SPATA17: variants seen among roughly 807,000 people sequenced by gnomAD.
SPATA17 encodes spermatogenesis-associated protein 17.
In SPATA17, 53 loss-of-function variants were observed where a neutral mutation model predicts 62.2. That is an observed-to-expected ratio of 0.85 (90% CI 0.68 to 1.07). The LOEUF is 1.07. SPATA17 is among the 50% of genes least tolerant of loss of function. The pLI is 0.00. For synonymous variants in SPATA17, 146 were observed against 146.8 expected (o/e 0.99, Z 0.04); for missense variants, 466 against 425.5 (o/e 1.10, Z -0.84).
chr1:217,697,701 CATTT>C (rs1011239072), intron 5 of SPATA17, among the ~76,000 whole-genome samples: 1 of 151,620 alleles, frequency 6.6e-6, no homozygotes, highest in African/African-American at 2.4e-5. Flanking sequence ...AAACAGAAAA[CATTT>C]ATTTCTCAAG....
At chr1:217,784,892 G>T (rs1450226943) in intron 8 of SPATA17, 1 of 152,110 alleles carries the variant, frequency 6.6e-6, no homozygotes, top group African/African-American at 2.4e-5. Context: ...ATTTTTCTAA[G>T]TGTATTTGTT....
intron 9 of SPATA17, among the ~76,000 whole-genome samples, chr1:217,829,799 T>G (rs1675090843): frequency 6.6e-6 from 1 of 151,812 alleles, no homozygotes; most frequent in East Asian, 1.9e-4. Context: ...TATTTATATA[T>G]AGGTCAAAAG....
chr1:217,680,939 A>T (rs1451848943), intron 4 of SPATA17, among the ~76,000 whole-genome samples: 1 of 144,328 alleles, frequency 6.9e-6, no homozygotes, highest in Non-Finnish European at 1.5e-5. Flanking sequence ...AAAAAAAAAA[A>T]AAAAAAAGGC....
intron 5 of SPATA17, among the ~76,000 whole-genome samples, chr1:217,702,655 A>T (rs893171188): frequency 1.3e-5 from 2 of 152,064 alleles, no homozygotes; most frequent in African/African-American, 2.4e-5. Flanking sequence ...TGCTAGTTTT[A>T]TTGCTCACTG....
chr1:217,812,722 A>G (rs1023497290), intron 9 of SPATA17, among the ~76,000 whole-genome samples: 1 of 152,162 alleles, frequency 6.6e-6, no homozygotes, highest in African/African-American at 2.4e-5. Context: ...AAAGAGTTGG[A>G]CAATAAAAAA....
Position 217,648,758 on chromosome 1 carries a change from T to C in SPATA17, c.69-124T>C. On this transcript the variant is annotated intron_variant, in intron 1 of 10. Transcript: ENST00000366933. The stretch of plus-strand genomic sequence containing the variant: ...TTATTTATTTATACTTTAATGTTAT[T>C]TAAAATGACATTTGAATTTATAATT... 3 of 520,802 alleles carry C rather than the reference T, an allele frequency of 5.8e-6. No homozygotes were observed. The South Asian group carries it at 1.2e-4, about 21-fold the overall frequency. The allele number at this position is 520,802 out of a possible 1,614,324, so 32.3% of individuals were successfully genotyped here.
chr1:217,749,969 C>CTA (rs1369070859), intron 6 of SPATA17, among the ~76,000 whole-genome samples: 22 of 46,916 alleles, frequency 4.7e-4, no homozygotes, highest in Non-Finnish European at 1.0e-3. Context: ...CTCTCTCTCT[C>CTA]TCTCTCTCTC....
At chr1:217,737,188 G>GT (rs1421340456) in intron 5 of SPATA17, among the ~76,000 whole-genome samples, 1 of 152,150 alleles carries the variant, frequency 6.6e-6, no homozygotes, top group African/African-American at 2.4e-5. Context: ...TTTAATCTCT[G>GT]TGAGTATCAT....
chr1:217,842,877 A>T (rs1675442576), intron 9 of SPATA17, among the ~76,000 whole-genome samples: 1 of 152,032 alleles, frequency 6.6e-6, no homozygotes, highest in South Asian at 2.1e-4. Flanking sequence ...ATCTATGTAT[A>T]TAAGGCTATA....
chr1:217,714,483 T>C (rs1671951735), intron 5 of SPATA17, among the ~76,000 whole-genome samples: 1 of 141,198 alleles, frequency 7.1e-6, no homozygotes, highest in South Asian at 2.2e-4. Flanking sequence ...GTGGAAAACG[T>C]GTTTCTTTTT....
intron 5 of SPATA17, among the ~76,000 whole-genome samples, chr1:217,702,253 T>C (rs2102920281): frequency 6.6e-6 from 1 of 152,302 alleles, no homozygotes; most frequent in Non-Finnish European, 1.5e-5. Flanking sequence ...TTTTATTGAT[T>C]ACTTGAACTT....
At chr1:217,754,591 G>T (rs1672997700) in intron 6 of SPATA17, among the ~76,000 whole-genome samples, 1 of 152,126 alleles carries the variant, frequency 6.6e-6, no homozygotes, top group Non-Finnish European at 1.5e-5. Context: ...TAATCAGTTT[G>T]TAAGGTTTGT....
At chr1:217,777,448 C>T (rs1424978123) in intron 7 of SPATA17, among the ~76,000 whole-genome samples, 1 of 152,110 alleles carries the variant, frequency 6.6e-6, no homozygotes, top group African/African-American at 2.4e-5. Context: ...GTTGCCCATG[C>T]TGGAGTGCAG....
Position 217,774,529 on chromosome 1 carries a change from C to T in SPATA17, c.715C>T (p.Gln239Ter). Residue 239 changes from glutamine to a stop codon, truncating the protein, a stop_gained, in exon 7 of 11, where the codon CAA becomes TAA. Coordinates refer to ENST00000366933, the MANE Select transcript of SPATA17 (RefSeq NM_138796.4). LOFTEE classifies it high-confidence loss of function. ...SEILPPINRK[Q>*]CQGPFRDITE... ...AATTCTACCACCTATTAATAGAAAG[C>T]AATGTCAGGTACTAGTTTGCTGTAT... The T allele has an allele frequency of 6.2e-7, 1 of 1,613,432 alleles. No individual in the cohort carries two copies. The highest frequency in any genetic ancestry group is 1.1e-5 in the South Asian group (1 of 91,070).
At chr1:217,776,088 A>G (rs181194033) in intron 7 of SPATA17, among the ~76,000 whole-genome samples, 1 of 152,302 alleles carries the variant, frequency 6.6e-6, no homozygotes, top group East Asian at 1.9e-4. Context: ...TTACAAATGT[A>G]AATTTGAGAA....
chr1:217,801,422 G>A (rs868006051), intron 8 of SPATA17, among the ~76,000 whole-genome samples: 2 of 151,974 alleles, frequency 1.3e-5, no homozygotes, highest in South Asian at 2.1e-4. Context: ...TGAGTTTTTG[G>A]CATAATTAAT....
chr1:217,809,795 A>G (rs1458622897), intron 9 of SPATA17, among the ~76,000 whole-genome samples: 3 of 152,208 alleles, frequency 2.0e-5, no homozygotes, highest in Non-Finnish European at 2.9e-5. Context: ...AGCCATAACA[A>G]TGTCATTTCA....
chr1:217,823,099 A>G (rs1674906401), intron 9 of SPATA17, among the ~76,000 whole-genome samples: 1 of 151,802 alleles, frequency 6.6e-6, no homozygotes, highest in African/African-American at 2.4e-5. Flanking sequence ...GAATTTTTTG[A>G]AACCAGCTTT....
chr1:217,772,720 GA>G (rs1673480552), intron 6 of SPATA17, among the ~76,000 whole-genome samples: 1 of 152,266 alleles, frequency 6.6e-6, no homozygotes, highest in South Asian at 2.1e-4. Flanking sequence ...TTCATTTATT[GA>G]GTGCCTACTA....
Sources: gnomAD v4.1 joint callset for allele counts (sites outside exome capture counted in the v4.1 genomes callset) on GRCh38, gnomAD v4.1.1 for gene constraint, MANE v1.5 for transcripts, NCBI Gene and HGNC (gene_info 2026-07-23, HGNC 2026-07-21) for gene names.